Variants in LHX2 observed in about 807,000 individuals in gnomAD.
LHX2 encodes the protein LIM homeobox 2, also known as LIM/homeobox protein Lhx2.
In LHX2, 6 loss-of-function variants were observed where a neutral mutation model predicts 33.0. The ratio of observed to expected loss-of-function variants is 0.18; its 90% CI spans 0.10 to 0.36. LHX2 has a LOEUF of 0.36. Ranked by LOEUF, LHX2 falls within the 10% of genes least tolerant of loss-of-function variation. LHX2 has a pLI of 1.00. For missense variants in LHX2, 442 were observed against 586.2 expected (o/e 0.75, Z 2.54); for synonymous variants, 292 against 253.1 (o/e 1.15, Z -1.46).
Position 124,016,006 on chromosome 9 carries a change from G to A in LHX2, c.727+481G>A, listed in dbSNP as rs762297421. Among the ~76,000 whole-genome samples, 12 of 152,266 alleles carry A rather than the reference G, an allele frequency of 7.9e-5. No individual in the cohort carries two copies. The highest frequency in any genetic ancestry group is 1.8e-4 in the Non-Finnish European group (12 of 68,048). Reference sequence around the variant, plus strand: ...GGAGTGCGGCCTGACCTCGTGAAATGTCCCAAGGGCGGCAGGCTTGGGGAA... The same window carrying A: ...GGAGTGCGGCCTGACCTCGTGAAATATCCCAAGGGCGGCAGGCTTGGGGAA... On this transcript the variant is annotated intron_variant, in intron 3 of 4. Coordinates refer to ENST00000373615, the MANE Select transcript of LHX2 (RefSeq NM_004789.4). This position sits in a 1 kb window ranked among gnomAD's most constrained non-coding sequence, Gnocchi z 4.4.
intron 4 of LHX2, among the ~76,000 whole-genome samples, chr9:124,030,483 A>AC (rs1302092513): frequency 2.0e-5 from 3 of 151,582 alleles, no homozygotes; most frequent in Non-Finnish European, 2.9e-5. Flanking sequence ...GGAAGGTTCA[A>AC]CCCCCCCAGA....
At chr9:124,028,855 C>T (rs968260057) in intron 4 of LHX2, among the ~76,000 whole-genome samples, 4 of 152,162 alleles carry the variant, frequency 2.6e-5, no homozygotes, top group African/African-American at 9.7e-5. Context: ...TGCCTATAAT[C>T]CCAGAACTTT....
chr9:124,020,538 G>C (rs1434733142), intron 3 of LHX2, among the ~76,000 whole-genome samples: 2 of 152,156 alleles, frequency 1.3e-5, no homozygotes, highest in African/African-American at 4.8e-5. Context: ...GACACGGTAG[G>C]GGGAGACGGC....
At position 124,019,283 on chromosome 9, in the gene LHX2, A is replaced by G. The variant is rs1199793508; in HGVS notation, c.728-1816A>G. 5.3e-5 allele frequency among the ~76,000 whole-genome samples: 8 copies of G among 152,310 alleles called. No individual in the cohort carries two copies. The East Asian group carries it at 1.5e-3, about 29-fold the overall frequency. ...CTCCAAAGGCAGGGGCAAGACTTGT[A>G]TCTTGCAAATTCTCTCTGCAAGGGG... On this transcript the variant is annotated intron_variant, in intron 3 of 4. Coordinates refer to ENST00000373615, the MANE Select transcript of LHX2 (RefSeq NM_004789.4).
At position 124,026,545 on chromosome 9, in the gene LHX2, T is replaced by C. The variant is rs141359321; in HGVS notation, c.933+5241T>C. Among the ~76,000 whole-genome samples the C allele has an allele frequency of 1.7e-3, 261 of 152,134 alleles. 1 individual carries two copies. The highest frequency in any genetic ancestry group is 3.4e-3 in the Non-Finnish European group (228 of 67,988). The stretch of plus-strand genomic sequence containing the variant: ...GTGGAGCAAGGTGTGGGATAAACAA[T>C]TGACAAGGTGCCAAGATTAATCTCT... On this transcript the variant is annotated intron_variant, in intron 4 of 4. Coordinates refer to ENST00000373615, the MANE Select transcript of LHX2 (RefSeq NM_004789.4).
At position 124,013,969 on chromosome 9, in the gene LHX2, G is replaced by A. The variant is rs1285143965; in HGVS notation, c.129G>A (p.Pro43=). 1.9e-6 allele frequency: 3 copies of A among 1,612,468 alleles called. No homozygotes were observed. The highest frequency in any genetic ancestry group is 1.3e-5 in the African/African-American group (1 of 74,920). Residue 43 remains proline (P), a synonymous_variant, in exon 2 of 5, where the codon CCG becomes CCA. Coordinates refer to ENST00000373615, the MANE Select transcript of LHX2 (RefSeq NM_004789.4). ...IDRGDTETTM[P]SISSDRAALC... is the part of the protein sequence containing the mutation. ...CCTCCCTCCCTTCGCAGACCATGCC[G>A]TCCATCAGCAGTGACCGCGCCGCGC...
Position 124,016,887 on chromosome 9 carries a change from C to G in LHX2, c.727+1362C>G, listed in dbSNP as rs1056749082. ...AAAGACAAAACCGAGTTCAGACCGGCTCCCCCAACACCAAGCCGCTTCTAT... is the reference window on the plus strand; with the variant it reads ...AAAGACAAAACCGAGTTCAGACCGGGTCCCCCAACACCAAGCCGCTTCTAT... On this transcript the variant is annotated intron_variant, in intron 3 of 4. Coordinates refer to ENST00000373615, the MANE Select transcript of LHX2 (RefSeq NM_004789.4). The surrounding 1 kb of genome is among the most constrained non-coding windows in gnomAD (Gnocchi z 4.4). Among the ~76,000 whole-genome samples, 1 of 152,204 alleles carries G rather than the reference C, an allele frequency of 6.6e-6. No homozygotes were observed. The highest frequency in any genetic ancestry group is 2.4e-5 in the African/African-American group (1 of 41,444).
At chr9:124,030,591 G>A (rs537204401) in intron 4 of LHX2, among the ~76,000 whole-genome samples, 4 of 151,630 alleles carry the variant, frequency 2.6e-5, no homozygotes, top group African/African-American at 4.8e-5. Flanking sequence ...GTGGTACTTA[G>A]GTGCTGGCTG....
chr9:124,014,216 C>G lies in LHX2; in HGVS notation c.323+53C>G. The G allele has an allele frequency of 1.6e-6, 2 of 1,289,848 alleles. No individual in the cohort carries two copies. Among genetic ancestry groups the G allele is most frequent in the Admixed American group, 3.7e-5 (2 of 53,550 alleles). 79.9% of individuals were successfully genotyped at this position (1,289,848 alleles called of 1,614,324 possible). A position where few individuals can be genotyped will look rare whatever the true frequency, so the allele number is the denominator to read the frequency against. On this transcript the variant is annotated intron_variant, in intron 2 of 4. Coordinates refer to ENST00000373615, the MANE Select transcript of LHX2 (RefSeq NM_004789.4). The surrounding 1 kb of genome is among the most constrained non-coding windows in gnomAD (Gnocchi z 4.8). Reference sequence around the variant, plus strand: ...GGACCCCTCCCCCCAATCTCAGGCACAGTCTTACAGTTTGGCCCTCTCCTT... The same window carrying G: ...GGACCCCTCCCCCCAATCTCAGGCAGAGTCTTACAGTTTGGCCCTCTCCTT...
At chr9:124,019,786 A>G (rs1049453318) in intron 3 of LHX2, among the ~76,000 whole-genome samples, 7 of 152,170 alleles carry the variant, frequency 4.6e-5, no homozygotes, top group African/African-American at 1.7e-4. Context: ...CTTTAGGCGG[A>G]CCGAATGTAC....
chr9:124,022,254 G>T (rs1163442788), intron 4 of LHX2, among the ~76,000 whole-genome samples: 1 of 152,166 alleles, frequency 6.6e-6, no homozygotes, highest in Non-Finnish European at 1.5e-5. Context: ...TATGCTGCCG[G>T]GTTATCCAAG....
intron 4 of LHX2, among the ~76,000 whole-genome samples, chr9:124,025,985 C>A (rs1044297785): frequency 2.0e-5 from 3 of 151,476 alleles, no homozygotes; most frequent in Non-Finnish European, 4.4e-5. Flanking sequence ...ACTCTGTCTC[C>A]AAAATAAATA....
chr9:124,017,032 T>A (rs543330754), intron 3 of LHX2, among the ~76,000 whole-genome samples: 1 of 152,262 alleles, frequency 6.6e-6, no homozygotes, highest in East Asian at 1.9e-4. Flanking sequence ...GTTTTAGGAT[T>A]GTGCAAAAAG....
chr9:124,022,721 C>CA (rs368504269), intron 4 of LHX2, among the ~76,000 whole-genome samples: 229 of 152,262 alleles, frequency 1.5e-3, no homozygotes, highest in Non-Finnish European at 2.7e-3. Context: ...AAAAAACAAA[C>CA]AAAAAAATGC....
chr9:124,028,497 A>G (rs1007416659), intron 4 of LHX2, among the ~76,000 whole-genome samples: 1 of 152,168 alleles, frequency 6.6e-6, no homozygotes, highest in Admixed American at 6.5e-5. Flanking sequence ...TGAGAGCCAT[A>G]GAGATCGTAT....
At chr9:124,019,407 T>C (rs1859253200) in intron 3 of LHX2, among the ~76,000 whole-genome samples, 2 of 152,156 alleles carry the variant, frequency 1.3e-5, no homozygotes, top group Admixed American at 6.5e-5. Flanking sequence ...CCCAGTTAAA[T>C]TGGAATTTTG....
rs1859113944 is a variant in LHX2 at position 124,012,693 on chromosome 9, A to T, written c.120+225A>T. Among the ~76,000 whole-genome samples, 2 of 152,228 alleles carry T rather than the reference A, an allele frequency of 1.3e-5. No homozygotes were observed. Among genetic ancestry groups the T allele is most frequent in the African/African-American group, 4.8e-5 (2 of 41,468 alleles). ...AAACCGAAATCTCGGCCCTGGGGGTAGAGGAGAGCGTTTCTTCCGAACTGG... is the reference window on the plus strand; with the variant it reads ...AAACCGAAATCTCGGCCCTGGGGGTTGAGGAGAGCGTTTCTTCCGAACTGG... On this transcript the variant is annotated intron_variant, in intron 1 of 4. Transcript: ENST00000373615. The surrounding 1 kb of genome is among the most constrained non-coding windows in gnomAD (Gnocchi z 4.3).
chr9:124,015,630 C>T lies in LHX2; in HGVS notation c.727+105C>T. ...CTCTGTGTGCTGGGCAAATAGCGAG[C>T]CTTAAGCACCGGACGGCCTCGCAGA... On this transcript the variant is annotated intron_variant, in intron 3 of 4. Transcript: ENST00000373615. The surrounding 1 kb of genome is among the most constrained non-coding windows in gnomAD (Gnocchi z 7.9). The T allele has an allele frequency of 1.6e-6, 2 of 1,262,794 alleles. No homozygotes were observed. Among genetic ancestry groups the T allele is most frequent in the Non-Finnish European group, 2.1e-6 (2 of 943,804 alleles). 78.2% of individuals were successfully genotyped at this position (1,262,794 alleles called of 1,614,324 possible). A position where few individuals can be genotyped will look rare whatever the true frequency, so the allele number is the denominator to read the frequency against.
Position 124,032,830 on chromosome 9 carries a change from G to C in LHX2, c.*123G>C. 1 of 1,142,246 alleles carries C rather than the reference G, an allele frequency of 8.8e-7. No homozygotes were observed. Among genetic ancestry groups the C allele is most frequent in the South Asian group, 1.7e-5 (1 of 58,532 alleles). The allele number at this position is 1,142,246 out of a possible 1,614,324, so 70.8% of individuals were successfully genotyped here. ...TAACCACATTTTAGGATCTCGCCTG[G>C]AAACAGAGGTAAAAAAAAGAAGTGT... is the stretch of plus-strand genomic sequence containing the variant. On this transcript the variant is annotated 3_prime_UTR_variant, in exon 5 of 5. Transcript: ENST00000373615. This position sits in a 1 kb window ranked among gnomAD's most constrained non-coding sequence, Gnocchi z 4.1.
Sources: allele counts gnomAD v4.1 joint callset (sites outside exome capture counted in the v4.1 genomes callset), GRCh38; gene constraint gnomAD v4.1.1; non-coding constraint Gnocchi (gnomAD v3.1); transcripts MANE v1.5; gene names NCBI Gene and HGNC (gene_info 2026-07-23, HGNC 2026-07-21).